Variants in SPOCK3 observed in about 807,000 individuals in gnomAD.
The protein encoded by SPOCK3 is testican-3.
SPOCK3 carries 30 observed loss-of-function variants against 56.6 expected under a neutral mutation model. The observed-to-expected ratio is 0.53, with a 90% CI of 0.40 to 0.72. The LOEUF (loss-of-function observed/expected upper bound fraction) is 0.72, where lower values mean the gene tolerates loss of function less well. SPOCK3 is among the 30% of genes least tolerant of loss of function. The probability of loss-of-function intolerance (pLI) is 0.00; values close to 1 mark genes in which losing one functional copy is unlikely to be tolerated. For synonymous variants in SPOCK3, 196 were observed against 183.3 expected, an observed-to-expected ratio of 1.07 and a Z score of -0.56; for missense variants, 527 against 530.0, an observed-to-expected ratio of 0.99 and a Z score of 0.06.
intron 4 of SPOCK3, among the ~76,000 whole-genome samples, chr4:166,952,581 T>C (rs1471181605): frequency 6.6e-6 from 1 of 150,764 alleles, no homozygotes; most frequent in Non-Finnish European, 1.5e-5. Context: ...TGGAAAAAAC[T>C]ACTTTAAAGT....
At chr4:167,018,676 T>C (rs1203947698) in intron 3 of SPOCK3, among the ~76,000 whole-genome samples, 2 of 152,062 alleles carry the variant, frequency 1.3e-5, no homozygotes, top group Non-Finnish European at 2.9e-5. Flanking sequence ...AGTCAATTTT[T>C]ACTACCTAGC....
intron 2 of SPOCK3, among the ~76,000 whole-genome samples, chr4:167,127,417 T>C (rs1019579627): frequency 4.0e-5 from 6 of 151,810 alleles, no homozygotes; most frequent in African/African-American, 1.5e-4. Context: ...GGGGAAAAGA[T>C]TGTTGGAAAT....
chr4:166,878,248 C>T (rs1733303306), intron 6 of SPOCK3, among the ~76,000 whole-genome samples: 1 of 152,142 alleles, frequency 6.6e-6, no homozygotes. Context: ...CACTGCAATC[C>T]ACCCTGGGCT....
intron 2 of SPOCK3, among the ~76,000 whole-genome samples, chr4:167,065,004 T>G (rs1356266288): frequency 9.7e-6 from 1 of 103,542 alleles, no homozygotes; most frequent in Non-Finnish European, 1.8e-5. Context: ...CATAAACTCC[T>G]CCTCCTCCTA....
At chr4:166,973,866 T>C (rs982253030) in intron 4 of SPOCK3, among the ~76,000 whole-genome samples, 2 of 152,134 alleles carry the variant, frequency 1.3e-5, no homozygotes, top group African/African-American at 4.8e-5. Flanking sequence ...AGAAACATTA[T>C]GATACAAGAC....
intron 6 of SPOCK3, among the ~76,000 whole-genome samples, chr4:166,829,288 T>A (rs1745797278): frequency 6.6e-6 from 1 of 152,110 alleles, no homozygotes; most frequent in Non-Finnish European, 1.5e-5. Flanking sequence ...AGATAAAGAC[T>A]ACCTTTGTAA....
At chr4:166,893,477 A>G (rs908878509) in intron 5 of SPOCK3, among the ~76,000 whole-genome samples, 16 of 152,136 alleles carry the variant, frequency 1.1e-4, no homozygotes, top group Admixed American at 7.9e-4. Context: ...TATATGTCAA[A>G]CACTGTGTTA....
chr4:166,831,381 T>A (rs1746032393), intron 6 of SPOCK3, among the ~76,000 whole-genome samples: 1 of 152,154 alleles, frequency 6.6e-6, no homozygotes, highest in Non-Finnish European at 1.5e-5. Flanking sequence ...AAATGTCTGT[T>A]AGAACCTGCC....
intron 9 of SPOCK3, among the ~76,000 whole-genome samples, chr4:166,741,322 G>C (rs1425071774): frequency 2.0e-5 from 3 of 152,176 alleles, no homozygotes; most frequent in Admixed American, 1.3e-4. Context: ...GTTATATTTA[G>C]TGGAAGCTGG....
chr4:167,189,454 C>T (rs1732287214), intron 2 of SPOCK3, among the ~76,000 whole-genome samples: 1 of 145,502 alleles, frequency 6.9e-6, no homozygotes, highest in Non-Finnish European at 1.5e-5. Context: ...AGGCATTCAT[C>T]AGTCCAAAAA....
chr4:167,113,022 A>G (rs184023621), intron 2 of SPOCK3, among the ~76,000 whole-genome samples: 169 of 152,212 alleles, frequency 1.1e-3, no homozygotes, highest in Non-Finnish European at 1.1e-3. Context: ...CTGCTTGATC[A>G]TATTGATTTT....
At chr4:166,907,160 T>C (rs993968868) in intron 5 of SPOCK3, among the ~76,000 whole-genome samples, 1 of 152,076 alleles carries the variant, frequency 6.6e-6, no homozygotes, top group African/African-American at 2.4e-5. Context: ...ACACAAGTTA[T>C]TGTAAATGGT....
chr4:166,742,129 C>G, intron 8 of SPOCK3, 70 bp from the exon 9 acceptor site: 2 of 1,146,082 alleles, frequency 1.7e-6, no homozygotes, highest in Non-Finnish European at 2.6e-6. Flanking sequence ...TCTATGTTAT[C>G]AAACTTCACT....
intron 6 of SPOCK3, among the ~76,000 whole-genome samples, chr4:166,840,152 G>C (rs1293337311): frequency 6.6e-6 from 1 of 152,172 alleles, no homozygotes; most frequent in East Asian, 1.9e-4. Context: ...ATCTCCAGCG[G>C]AAGTGAAATC....
At chr4:166,780,804 T>C (rs1443634425) in intron 7 of SPOCK3, among the ~76,000 whole-genome samples, 2 of 152,080 alleles carry the variant, frequency 1.3e-5, no homozygotes, top group African/African-American at 2.4e-5. Context: ...GAGCAGCAAA[T>C]GTTGCTTAAG....
rs181075977 is a variant in SPOCK3 at position 167,146,779 on chromosome 4, C to T, written c.190-84242G>A. On this transcript the variant is annotated intron_variant, in intron 2 of 10. Coordinates refer to ENST00000357545, the MANE Select transcript of SPOCK3 (RefSeq NM_001040159.2). The stretch of plus-strand genomic sequence containing the variant: ...AAAACCAATGAGAACAAAGACACAA[C>T]GTACCAGAATTTCTGGGACACATTT... Among the ~76,000 whole-genome samples the T allele has an allele frequency of 1.6e-4, 25 of 152,192 alleles. No homozygotes were observed. In the Middle Eastern group the frequency reaches 0.01, roughly 62 times the overall value.
At chr4:166,910,179 G>A (rs1236018089) in intron 5 of SPOCK3, among the ~76,000 whole-genome samples, 1 of 152,108 alleles carries the variant, frequency 6.6e-6, no homozygotes, top group African/African-American at 2.4e-5. Flanking sequence ...GATTAGGATG[G>A]ATGGTTCAAA....
chr4:166,983,062 AT>A (rs1366415346), intron 4 of SPOCK3, among the ~76,000 whole-genome samples: 1 of 152,160 alleles, frequency 6.6e-6, no homozygotes, highest in Non-Finnish European at 1.5e-5. Context: ...ACTATATAAA[AT>A]GTATTTGCAT....
intron 3 of SPOCK3, among the ~76,000 whole-genome samples, chr4:167,039,212 C>T (rs1378285311): frequency 6.6e-6 from 1 of 152,186 alleles, no homozygotes; most frequent in African/African-American, 2.4e-5. Flanking sequence ...GTCTATCTGT[C>T]TTTTCTCCTT....
Sources: allele counts gnomAD v4.1 joint callset (sites outside exome capture counted in the v4.1 genomes callset), GRCh38; gene constraint gnomAD v4.1.1; transcripts MANE v1.5; gene names NCBI Gene and HGNC (gene_info 2026-07-23, HGNC 2026-07-21).